ZNF681: variants seen among roughly 807,000 people sequenced by gnomAD.
The protein encoded by ZNF681 is hypothetical protein FLJ31526.
ZNF681 carries 37 observed loss-of-function variants against 56.0 expected under a neutral mutation model. That is an observed-to-expected ratio of 0.66 (90% CI 0.51 to 0.87). The LOEUF (loss-of-function observed/expected upper bound fraction) is 0.87, where lower values mean the gene tolerates loss of function less well. ZNF681 is among the 40% of genes least tolerant of loss of function. The pLI is 0.00. For synonymous variants in ZNF681, 225 were observed against 248.6 expected (o/e 0.91, Z 0.89); for missense variants, 741 against 744.9 (o/e 0.99, Z 0.06).
chr19:23,745,462 T>G, intron 3 of ZNF681, 139 bp from the exon 4 acceptor site: 1 of 685,804 alleles, frequency 1.5e-6, no homozygotes, highest in Non-Finnish European at 2.1e-6. Context: ...TTTTTTTTTT[T>G]TTTTTCCTGA....
In ZNF681 at chr19:23,743,841, G is replaced by A. The variant is rs746010690; in HGVS notation, c.1709C>T (p.Ala570Val). ...AGTAAGGTGTGAGGACTGGTTAAAGGCTTTACCACATTCTTCACATTGGTA... is the reference window on the plus strand; with the variant it reads ...AGTAAGGTGTGAGGACTGGTTAAAGACTTTACCACATTCTTCACATTGGTA... ...KPYQCEECGK[A>V]FNQSSHLTRH... is the part of the protein sequence containing the mutation. The change falls in exon 4 of 4, where the codon GCC becomes GTC. Residue 570 changes from alanine (A) to valine (V), a missense_variant. Coordinates refer to ENST00000402377, the MANE Select transcript of ZNF681 (RefSeq NM_138286.3). 5.0e-6 allele frequency: 8 copies of A among 1,612,710 alleles called. No individual in the cohort carries two copies. In the Admixed American group the frequency reaches 6.7e-5, roughly 13 times the overall value.
In ZNF681 at chr19:23,745,037, T is replaced by G. The variant is rs200628403; in HGVS notation, c.513A>C (p.Lys171Asn). ...KVRHTRKKPF[K>N]YKEFGKSFCI... ...AAAATGATTTGCCAAATTCTTTATA[T>G]TTAAAAGGTTTTTTTCTGGTGTGTC... Residue 171 changes from lysine to asparagine, a missense_variant, in exon 4 of 4, where the codon AAA (lysine) becomes AAC (asparagine). Coordinates refer to ENST00000402377, the MANE Select transcript of ZNF681 (RefSeq NM_138286.3). 2.9e-4 allele frequency: 466 copies of G among 1,592,582 alleles called. 1 individual carries two copies. The highest frequency in any genetic ancestry group is 1.8e-3 in the Middle Eastern group (11 of 6,002).
intron 1 of ZNF681, among the ~76,000 whole-genome samples, chr19:23,758,210 G>T (rs371445239): frequency 6.6e-6 from 1 of 152,130 alleles, no homozygotes; most frequent in African/African-American, 2.4e-5. Context: ...TAGGGACCAT[G>T]ACTGCTTCAT....
intron 3 of ZNF681, among the ~76,000 whole-genome samples, chr19:23,752,935 G>GT (rs1389528444): frequency 1.3e-5 from 2 of 152,028 alleles, no homozygotes; most frequent in Non-Finnish European, 2.9e-5. Context: ...TTGAAGACAA[G>GT]TAAGTAAAAA....
intron 3 of ZNF681, among the ~76,000 whole-genome samples, chr19:23,747,478 A>G (rs1968961212): frequency 6.6e-6 from 1 of 151,896 alleles, no homozygotes; most frequent in African/African-American, 2.4e-5. Flanking sequence ...TCTCTACTAA[A>G]AATACAAAAA....
At chr19:23,756,304 G>A (rs747577311) in intron 1 of ZNF681, among the ~76,000 whole-genome samples, 2 of 129,494 alleles carry the variant, frequency 1.5e-5, no homozygotes, top group East Asian at 2.4e-4. Context: ...CAGCCTGGGC[G>A]ACAGAGCGAC....
intron 2 of ZNF681, 92 bp downstream of exon 2, chr19:23,755,333 T>A: frequency 6.8e-7 from 1 of 1,467,334 alleles, no homozygotes; most frequent in Non-Finnish European, 9.1e-7. Context: ...AACTCACTTA[T>A]GCAAAGCATA....
At chr19:23,758,578 C>A (rs1969161537) in intron 1 of ZNF681, among the ~76,000 whole-genome samples, 169 bp downstream of exon 1, 1 of 152,202 alleles carries the variant, frequency 6.6e-6, no homozygotes, top group South Asian at 2.1e-4. Flanking sequence ...GGAGAAAGGA[C>A]GCCCGGGGGG....
At chr19:23,751,557 T>C (rs1325139475) in intron 3 of ZNF681, among the ~76,000 whole-genome samples, 1 of 152,084 alleles carries the variant, frequency 6.6e-6, no homozygotes, top group African/African-American at 2.4e-5. Context: ...AAGGCAAGTA[T>C]TTTGAATAAC....
chr19:23,755,357 CATT>C lies in ZNF681; in HGVS notation c.130+65_130+67del, dbSNP rs1333787594. The C allele has an allele frequency of 1.2e-5, 18 of 1,529,432 alleles. No homozygotes were observed. The South Asian group carries it at 1.8e-4, about 15-fold the overall frequency. The allele number at this position is 1,529,432 out of a possible 1,614,324, so 94.7% of individuals were successfully genotyped here. A position where few individuals can be genotyped will look rare whatever the true frequency, so the allele number is the denominator to read the frequency against. On this transcript the variant is annotated intron_variant, in intron 2 of 3. Transcript: ENST00000402377. ...ATGCAAAGCATAAATTACCTAAAAA[CATT>C]ATACAAAAAAGAAAAATGAAACCTT...
At position 23,739,915 on chromosome 19, in the gene ZNF681, T is replaced by C. The variant is rs551977503; in HGVS notation, c.*3697A>G. 6.6e-6 allele frequency: 1 copy of C among 152,266 alleles called. No individual in the cohort carries two copies. The highest frequency in any genetic ancestry group is 1.5e-5 in the Non-Finnish European group (1 of 68,014). The allele number at this position is 152,266 out of a possible 1,614,324, so 9.4% of individuals were successfully genotyped here. A position where few individuals can be genotyped will look rare whatever the true frequency, so the allele number is the denominator to read the frequency against. On this transcript the variant is annotated 3_prime_UTR_variant, in exon 4 of 4. Coordinates refer to ENST00000402377, the MANE Select transcript of ZNF681 (RefSeq NM_138286.3). The stretch of plus-strand genomic sequence containing the variant: ...CCAGGTTTCAAAATCACAGAGGTCA[T>C]TTTACTATTTTGCAATGTTTAATGT...
rs1568311324 is a variant in ZNF681, at chr19:23,750,299, A to AACAG, written c.226+4523_226+4524insCTGT. ...ACTCCAACTCAAAAAAAAAAAAAAA[A>AACAG]AAAACCAAAAAACAACTAAGAAAGA... is the stretch of plus-strand genomic sequence containing the variant. On this transcript the variant is annotated intron_variant, in intron 3 of 3. Transcript: ENST00000402377. 1.5e-5 allele frequency among the ~76,000 whole-genome samples: 2 copies of AACAG among 129,642 alleles called. 1 individual carries two copies. The highest frequency in any genetic ancestry group is 5.8e-5 in the African/African-American group (2 of 34,566). 85.1% of individuals were successfully genotyped at this position (129,642 alleles called of 152,430 possible).
At chr19:23,751,755 G>A (rs1248018781) in intron 3 of ZNF681, among the ~76,000 whole-genome samples, 1 of 151,662 alleles carries the variant, frequency 6.6e-6, no homozygotes, top group African/African-American at 2.4e-5. Context: ...GCACAATCTC[G>A]GCTCACTGCA....
intron 2 of ZNF681, among the ~76,000 whole-genome samples, 173 bp from the exon 3 acceptor site, chr19:23,755,091 T>C (rs1333918053): frequency 6.6e-6 from 1 of 152,216 alleles, no homozygotes; most frequent in Non-Finnish European, 1.5e-5. Context: ...TTGTTAGTTC[T>C]TAATTTCACT....
intron 1 of ZNF681, among the ~76,000 whole-genome samples, chr19:23,756,642 G>C (rs960628554): frequency 1.6e-4 from 25 of 151,970 alleles, no homozygotes; most frequent in African/African-American, 6.0e-4. Context: ...GGGCCAGTCG[G>C]GGGGTGGAGG....
At position 23,745,225 on chromosome 19, in the gene ZNF681, C is replaced by G; in HGVS notation, c.325G>C (p.Glu109Gln). 6.2e-7 allele frequency: 1 copy of G among 1,611,830 alleles called. No individual in the cohort carries two copies. Residue 109 changes from glutamate (E) to glutamine (Q), a missense_variant, in exon 4 of 4, where the codon GAG becomes CAG. Coordinates refer to ENST00000402377, the MANE Select transcript of ZNF681 (RefSeq NM_138286.3). ...ACACTTTTACTTAACTGTAAATTCT[C>G]ATGTTCACATTTTCCATATCTTCTT... ...TPRRYGKCEH[E>Q]NLQLSKSVDE...
chr19:23,747,673 CAA>C (rs1280136555), intron 3 of ZNF681, among the ~76,000 whole-genome samples: 1 of 145,840 alleles, frequency 6.9e-6, no homozygotes, highest in Admixed American at 6.8e-5. Flanking sequence ...CCCCAAAGCA[CAA>C]GTTTTACAAG....
At chr19:23,751,681 T>C (rs1033119139) in intron 3 of ZNF681, among the ~76,000 whole-genome samples, 2 of 151,694 alleles carry the variant, frequency 1.3e-5, no homozygotes, top group African/African-American at 4.8e-5. Context: ...TAGAGACAAT[T>C]TTATTTATTT....
intron 3 of ZNF681, among the ~76,000 whole-genome samples, chr19:23,748,243 T>G (rs1371481859): frequency 6.6e-6 from 1 of 152,114 alleles, no homozygotes; most frequent in African/African-American, 2.4e-5. Context: ...AAGAGTTAAT[T>G]GCAGGGAGCT....
Sources: allele counts gnomAD v4.1 joint callset (sites outside exome capture counted in the v4.1 genomes callset), GRCh38; gene constraint gnomAD v4.1.1; transcripts MANE v1.5; gene names NCBI Gene and HGNC (gene_info 2026-07-23, HGNC 2026-07-21).